Variants in TDP1 observed in about 807,000 individuals in gnomAD.
TDP1 encodes tyrosyl-DNA phosphodiesterase 1, also known as tyr-DNA phosphodiesterase 1.
Under a neutral mutation model 81.5 loss-of-function variants are expected in TDP1, and 64 were observed. The ratio of observed to expected loss-of-function variants is 0.79; its 90% confidence interval spans 0.64 to 0.97. TDP1 has a LOEUF of 0.97. Ranked by LOEUF, TDP1 falls within the 50% of genes least tolerant of loss-of-function variation. The pLI is 0.00. For missense variants in TDP1, 723 were observed against 743.8 expected, an observed-to-expected ratio of 0.97 and a Z score of 0.33; for synonymous variants, 256 against 264.3, an observed-to-expected ratio of 0.97 and a Z score of 0.30.
At chr14:89,988,788 T>C in intron 10 of TDP1, 117 bp from the exon 11 acceptor site, 1 of 1,546,542 alleles carries the variant, frequency 6.5e-7, no homozygotes, top group Non-Finnish European at 8.7e-7. Flanking sequence ...ATCACTAGTA[T>C]TTTCAGCTTT....
intron 12 of TDP1, chr14:89,991,571 A>C: frequency 1.0e-6 from 1 of 985,118 alleles, no homozygotes; most frequent in Middle Eastern, 5.2e-4. Context: ...AAAAGTGATT[A>C]GCGAGTTGTC....
intron 14 of TDP1, among the ~76,000 whole-genome samples, chr14:90,010,575 C>A (rs895316848): frequency 6.6e-6 from 1 of 151,858 alleles, no homozygotes; most frequent in Non-Finnish European, 1.5e-5. Flanking sequence ...AGGGACAAGT[C>A]GAGAGAGAGA....
At chr14:89,972,639 T>C (rs551415331) in intron 6 of TDP1, among the ~76,000 whole-genome samples, 2 of 152,346 alleles carry the variant, frequency 1.3e-5, no homozygotes, top group East Asian at 3.9e-4. Context: ...ACGTGGCGCA[T>C]TTTGAGCAAG....
chr14:89,995,634 A>G (rs1490221089), intron 14 of TDP1, among the ~76,000 whole-genome samples: 1 of 152,244 alleles, frequency 6.6e-6, no homozygotes, highest in East Asian at 1.9e-4. Flanking sequence ...TATAAATGGC[A>G]TCTACCAGTA....
rs1027422872 is a variant in TDP1, at chr14:89,955,947, A to G, written c.-254A>G. On this transcript the variant is annotated 5_prime_UTR_variant, in exon 1 of 17. Transcript: ENST00000335725. ...CCGCCGAAGGGGCGGGATCCGAGGC[A>G]AGCGTTGGTTCTGTGCGCCTCAGGT... The G allele has an allele frequency of 1.3e-5, 2 of 152,418 alleles. No individual in the cohort carries two copies. Among genetic ancestry groups the G allele is most frequent in the South Asian group, 2.1e-4 (1 of 4,830 alleles). The allele number at this position is 152,418 out of a possible 1,614,324, so 9.4% of individuals were successfully genotyped here.
chr14:90,026,465 T>G (rs949949141), intron 15 of TDP1, among the ~76,000 whole-genome samples: 3 of 152,284 alleles, frequency 2.0e-5, no homozygotes, highest in Non-Finnish European at 4.4e-5. Context: ...TTATTTTCTT[T>G]TTTTTATTAT....
At chr14:89,955,149 G>A (rs4143999), upstream of TDP1, 24,257 of 157,512 alleles carry the variant, frequency 0.15, 2,761 homozygotes, top group African/African-American at 0.3. Flanking sequence ...CAGGATTCTC[G>A]TTCAGATCAG....
At chr14:89,980,143 G>A in intron 7 of TDP1, 1 of 985,302 alleles carries the variant, frequency 1.0e-6, no homozygotes, top group Non-Finnish European at 1.2e-6. Flanking sequence ...TATTTTAGTT[G>A]TTTAAAAAAT....
chr14:90,023,023 G>A (rs369217325), intron 15 of TDP1: 129 of 762,202 alleles, frequency 1.7e-4, no homozygotes, highest in Non-Finnish European at 2.9e-4. Flanking sequence ...TGTGCCTGCT[G>A]TCTTCCAGGC....
chr14:89,963,061 T>C (rs1892516855), intron 2 of TDP1, 47 bp from the exon 3 acceptor site: 2 of 1,613,730 alleles, frequency 1.2e-6, no homozygotes, highest in African/African-American at 2.7e-5. Context: ...ATTTTGCCAA[T>C]GCCCTGATGA....
chr14:89,980,090 T>C, intron 7 of TDP1: 1 of 913,454 alleles, frequency 1.1e-6, no homozygotes, highest in Non-Finnish European at 1.3e-6. Context: ...AAACAAAATT[T>C]CATGAACCAG....
At position 89,989,087 on chromosome 14, in the gene TDP1, C is replaced by G. The variant is rs749670003; in HGVS notation, c.1314C>G (p.Tyr438Ter). The G allele has an allele frequency of 6.2e-7, 1 of 1,613,326 alleles. No homozygotes were observed. Among genetic ancestry groups the G allele is most frequent in the South Asian group, 1.1e-5 (1 of 91,072 alleles). ...CAGGAAAAAGCTCTGTTCCTCTTTACTTGGTGAGTTCTCGTCCTCATTGAG... is the reference window on the plus strand; with the variant it reads ...CAGGAAAAAGCTCTGTTCCTCTTTAGTTGGTGAGTTCTCGTCCTCATTGAG... The part of the protein sequence containing the change: ...KTPGKSSVPL[Y>*]LIYPSVENVR... Residue 438 changes from tyrosine to a stop codon, truncating the protein, a stop_gained, in exon 11 of 17, where the codon TAC becomes TAG. Coordinates refer to ENST00000335725, the MANE Select transcript of TDP1 (RefSeq NM_018319.4). LOFTEE classifies it high-confidence loss of function.
chr14:90,036,824 A>G (rs2140337496), intron 16 of TDP1, among the ~76,000 whole-genome samples: 2 of 151,654 alleles, frequency 1.3e-5, no homozygotes, highest in South Asian at 4.2e-4. Context: ...CTTAAAAAAA[A>G]AAAAAGATAG....
At chr14:89,961,618 A>T (rs1052953058) in intron 2 of TDP1, among the ~76,000 whole-genome samples, 1 of 152,136 alleles carries the variant, frequency 6.6e-6, no homozygotes, top group African/African-American at 2.4e-5. Flanking sequence ...GGGAGGGGAT[A>T]TAACAGGCAT....
At chr14:90,001,675 A>G (rs1462788974) in intron 14 of TDP1, among the ~76,000 whole-genome samples, 1 of 152,096 alleles carries the variant, frequency 6.6e-6, no homozygotes, top group East Asian at 1.9e-4. Flanking sequence ...ACTGCTTCTC[A>G]GGTTTTATTT....
chr14:89,995,810 G>C (rs1441044761), intron 14 of TDP1, among the ~76,000 whole-genome samples: 1 of 152,174 alleles, frequency 6.6e-6, no homozygotes, highest in African/African-American at 2.4e-5. Flanking sequence ...CTTAAAGCCT[G>C]AATGTCTCTT....
chr14:90,026,074 TCCAAAAAG>T (rs944200969), intron 15 of TDP1, among the ~76,000 whole-genome samples: 20 of 152,226 alleles, frequency 1.3e-4, no homozygotes, highest in African/African-American at 4.1e-4. Context: ...GCTAGTGGGT[TCCAAAAAG>T]TCAAGTCTCT....
intron 10 of TDP1, among the ~76,000 whole-genome samples, chr14:89,986,082 C>T (rs563558145): frequency 6.6e-6 from 1 of 152,326 alleles, no homozygotes; most frequent in South Asian, 2.1e-4. Flanking sequence ...ACCTCTTATT[C>T]CATAAACTAT....
chr14:90,026,479 A>C (rs1303844603), intron 15 of TDP1, among the ~76,000 whole-genome samples: 1 of 152,086 alleles, frequency 6.6e-6, no homozygotes, highest in African/African-American at 2.4e-5. Context: ...TTATTATTAT[A>C]CTTTAAGTTC....
Sources: gnomAD v4.1 joint callset for allele counts (sites outside exome capture counted in the v4.1 genomes callset) on GRCh38, gnomAD v4.1.1 for gene constraint, MANE v1.5 for transcripts, NCBI Gene and HGNC (gene_info 2026-07-23, HGNC 2026-07-21) for gene names.